KDM2A: variants seen among roughly 807,000 people sequenced by gnomAD.
The protein encoded by KDM2A is lysine demethylase 2A.
A neutral mutation model predicts 137.3 loss-of-function variants in KDM2A; 3 were observed. The ratio of observed to expected loss-of-function variants is 0.02; its 90% CI spans 0.01 to 0.06. KDM2A has a LOEUF of 0.06. Among genes scored for constraint, KDM2A ranks in the 10% least tolerant of loss-of-function variants. The pLI is 1.00. For missense variants in KDM2A, 738 were observed against 1,510.6 expected, an observed-to-expected ratio of 0.49 and a Z score of 8.48; for synonymous variants, 512 against 541.5, an observed-to-expected ratio of 0.95 and a Z score of 0.76.
chr11:67,216,828 G>A (rs1315060602), intron 8 of KDM2A, among the ~76,000 whole-genome samples: 1 of 152,214 alleles, frequency 6.6e-6, no homozygotes, highest in Non-Finnish European at 1.5e-5. Flanking sequence ...GCTGAGGCAG[G>A]AGAATCGCTT....
At chr11:67,240,468 G>A in intron 12 of KDM2A, 1 of 1,005,216 alleles carries the variant, frequency 9.9e-7, no homozygotes, top group Non-Finnish European at 1.4e-6. Context: ...CCTGCCGGGC[G>A]AGTCCAGGAC....
At chr11:67,129,970 TTTTTC>T in intron 2 of KDM2A, among the ~76,000 whole-genome samples, 1 of 151,438 alleles carries the variant, frequency 6.6e-6, no homozygotes, top group Non-Finnish European at 1.5e-5. Context: ...TCTTTTTTTT[TTTTTC>T]TTTTGTGAGA....
chr11:67,237,441 TTTATTATTATTATTATCA>T (rs990690937), intron 12 of KDM2A, among the ~76,000 whole-genome samples: 5 of 150,194 alleles, frequency 3.3e-5, no homozygotes, highest in South Asian at 2.1e-4. Context: ...TAAATTTTTC[TTTATTATTATTATTATCA>T]TTATTATTAT....
intron 10 of KDM2A, among the ~76,000 whole-genome samples, chr11:67,223,384 C>A (rs199528075): frequency 2.1e-5 from 3 of 139,568 alleles, no homozygotes; most frequent in Admixed American, 1.4e-4. Flanking sequence ...TTCCTTTTTT[C>A]TTTCTTATTT....
chr11:67,151,102 A>G (rs1372106052), intron 2 of KDM2A, among the ~76,000 whole-genome samples: 1 of 152,168 alleles, frequency 6.6e-6, no homozygotes, highest in East Asian at 1.9e-4. Flanking sequence ...TGGTAACTGT[A>G]TGTTTGACCA....
At chr11:67,142,764 T>C (rs1012623442) in intron 2 of KDM2A, among the ~76,000 whole-genome samples, 2 of 151,998 alleles carry the variant, frequency 1.3e-5, no homozygotes, top group African/African-American at 4.8e-5. Context: ...TTTTTCTGTG[T>C]TTCCTATTAA....
In KDM2A at chr11:67,245,942, A is replaced by T. The variant is rs374938028; in HGVS notation, c.1834-43A>T. 370 of 1,609,010 alleles carry T rather than the reference A, an allele frequency of 2.3e-4. No homozygotes were observed. Among genetic ancestry groups the T allele is most frequent in the Non-Finnish European group, 3.0e-4 (349 of 1,176,422 alleles). On this transcript the variant is annotated intron_variant, in intron 14 of 20. Coordinates refer to ENST00000529006, the MANE Select transcript of KDM2A (RefSeq NM_012308.3). This position sits in a 1 kb window ranked among gnomAD's most constrained non-coding sequence, Gnocchi z 4.1. ...TTTAAGGGAAACTGAAATGATAAAG[A>T]TCTGAGTCAGTTCTCTTGGATTCTA...
At chr11:67,229,921 A>G (rs1368476589) in intron 11 of KDM2A, among the ~76,000 whole-genome samples, 2 of 151,496 alleles carry the variant, frequency 1.3e-5, no homozygotes, top group Non-Finnish European at 2.9e-5. Context: ...TCACACCTGT[A>G]ATCCCAGCAC....
chr11:67,247,062 TATA>T (rs1469404598), intron 15 of KDM2A, among the ~76,000 whole-genome samples: 6 of 33,326 alleles, frequency 1.8e-4, no homozygotes, highest in Admixed American at 1.4e-3. Flanking sequence ...TATATATATA[TATA>T]TATATATTTT....
chr11:67,229,193 G>T (rs1018603273), intron 11 of KDM2A, among the ~76,000 whole-genome samples: 2 of 152,134 alleles, frequency 1.3e-5, no homozygotes, highest in Admixed American at 6.5e-5. Flanking sequence ...TTTTACAAAT[G>T]GGAACATTAA....
chr11:67,245,012 G>A lies in KDM2A; in HGVS notation c.1564-177G>A. ...AAAAAAAAAAAAAAAAGCAGCCATT[G>A]ATAATACATACACAAGATGAGTTGT... On this transcript the variant is annotated intron_variant, in intron 13 of 20. Transcript: ENST00000529006. The surrounding 1 kb of genome is among the most constrained non-coding windows in gnomAD (Gnocchi z 4.1). The A allele has an allele frequency of 1.7e-6, 1 of 581,978 alleles. No homozygotes were observed. Among genetic ancestry groups the A allele is most frequent in the Non-Finnish European group, 3.0e-6 (1 of 334,828 alleles). 36.1% of individuals were successfully genotyped at this position (581,978 alleles called of 1,614,324 possible). A position where few individuals can be genotyped will look rare whatever the true frequency, so the allele number is the denominator to read the frequency against.
intron 5 of KDM2A, among the ~76,000 whole-genome samples, chr11:67,206,286 G>A (rs1185673618): frequency 6.6e-6 from 1 of 152,130 alleles, no homozygotes; most frequent in Non-Finnish European, 1.5e-5. Context: ...CAAAAATTAG[G>A]CAGGCGTGGT....
chr11:67,159,065 G>C (rs1856581219), intron 2 of KDM2A, among the ~76,000 whole-genome samples: 1 of 151,866 alleles, frequency 6.6e-6, no homozygotes, highest in Non-Finnish European at 1.5e-5. Context: ...TCATGCTTTT[G>C]GTGTTGCGTC....
intron 2 of KDM2A, among the ~76,000 whole-genome samples, chr11:67,122,018 C>G (rs995701504): frequency 6.6e-6 from 1 of 152,120 alleles, no homozygotes; most frequent in Non-Finnish European, 1.5e-5. Flanking sequence ...ATGCTTTCCT[C>G]GTAAGGTTTC....
intron 2 of KDM2A, among the ~76,000 whole-genome samples, chr11:67,166,186 T>TG (rs1491457435): frequency 4.4e-5 from 6 of 135,344 alleles, no homozygotes; most frequent in African/African-American, 1.6e-4. Flanking sequence ...AATATTTCTC[T>TG]TTTTTTTTTT....
At chr11:67,240,552 T>C (rs1859001374) in intron 12 of KDM2A, among the ~76,000 whole-genome samples, 1 of 152,232 alleles carries the variant, frequency 6.6e-6, no homozygotes, top group Non-Finnish European at 1.5e-5. Flanking sequence ...TGCTTTTGAA[T>C]TGGGTTGGTT....
intron 11 of KDM2A, among the ~76,000 whole-genome samples, chr11:67,228,914 G>A (rs1178153300): frequency 6.6e-6 from 1 of 152,060 alleles, no homozygotes; most frequent in African/African-American, 2.4e-5. Context: ...CTGTAGAGAT[G>A]AAGTCTTGCT....
At chr11:67,148,634 C>T (rs1856312049) in intron 2 of KDM2A, among the ~76,000 whole-genome samples, 2 of 152,076 alleles carry the variant, frequency 1.3e-5, no homozygotes, top group African/African-American at 4.8e-5. Flanking sequence ...AACACAGTCT[C>T]TACTAAAAAT....
chr11:67,166,885 TG>T (rs1257933028), intron 2 of KDM2A, among the ~76,000 whole-genome samples: 2 of 152,050 alleles, frequency 1.3e-5, no homozygotes, highest in Non-Finnish European at 2.9e-5. Context: ...GAGACCAGCC[TG>T]GCCAACGTGG....
Sources: allele counts gnomAD v4.1 joint callset (sites outside exome capture counted in the v4.1 genomes callset), GRCh38; gene constraint gnomAD v4.1.1; non-coding constraint Gnocchi (gnomAD v3.1); transcripts MANE v1.5; gene names NCBI Gene and HGNC (gene_info 2026-07-23, HGNC 2026-07-21).